UBE2G1: variants seen among roughly 807,000 people sequenced by gnomAD.
UBE2G1 encodes the protein ubiquitin conjugating enzyme E2 G1, also known as ubiquitin-conjugating enzyme E2 G1.
UBE2G1 carries 5 observed loss-of-function variants against 22.7 expected under a neutral mutation model. That is an observed-to-expected ratio of 0.22 (90% confidence interval 0.12 to 0.46). The LOEUF is 0.46. UBE2G1 is among the 20% of genes least tolerant of loss of function. UBE2G1 has a pLI of 0.99. For synonymous variants in UBE2G1, 74 were observed against 67.5 expected (o/e 1.10, Z -0.47); for missense variants, 88 against 203.9 (o/e 0.43, Z 3.46).
intron 1 of UBE2G1, among the ~76,000 whole-genome samples, chr17:4,341,099 C>T (rs1487492801): frequency 6.6e-6 from 1 of 151,034 alleles, no homozygotes; most frequent in Non-Finnish European, 1.5e-5. Flanking sequence ...ACTGACTGAG[C>T]CATCTGGCTC....
chr17:4,314,583 T>C (rs1370545873), intron 1 of UBE2G1, among the ~76,000 whole-genome samples: 1 of 152,238 alleles, frequency 6.6e-6, no homozygotes, highest in African/African-American at 2.4e-5. Context: ...AAAATAGTAA[T>C]TACTATTTGA....
At chr17:4,281,268 A>C (rs888151000) in intron 5 of UBE2G1, among the ~76,000 whole-genome samples, 2 of 152,236 alleles carry the variant, frequency 1.3e-5, no homozygotes, top group Non-Finnish European at 2.9e-5. Context: ...ATTGAGCAAT[A>C]AAAGTAACAG....
intron 1 of UBE2G1, among the ~76,000 whole-genome samples, chr17:4,335,707 A>T (rs1969638287): frequency 6.6e-6 from 1 of 152,224 alleles, no homozygotes; most frequent in Non-Finnish European, 1.5e-5. Flanking sequence ...AGTTTCTTTG[A>T]CAGCATTTAA....
At chr17:4,336,790 A>T (rs1482101262) in intron 1 of UBE2G1, among the ~76,000 whole-genome samples, 1 of 152,182 alleles carries the variant, frequency 6.6e-6, no homozygotes, top group Non-Finnish European at 1.5e-5. Context: ...ATTTCAAAGA[A>T]ATCTAAGAAA....
In UBE2G1 at chr17:4,366,354, C is replaced by T. The variant is rs1052011902; in HGVS notation, c.-38G>A. ...GGGCCCGGGCTGGCGCCGGGGCTTC[C>T]GAAGGGCTGGGGACAGGCTCTGGGG... On this transcript the variant is annotated 5_prime_UTR_variant, in exon 1 of 6. Transcript: ENST00000396981. 17 of 1,517,498 alleles carry T rather than the reference C, an allele frequency of 1.1e-5. No homozygotes were observed. The highest frequency in any genetic ancestry group is 1.5e-5 in the Non-Finnish European group (17 of 1,142,164). 94.0% of individuals were successfully genotyped at this position (1,517,498 alleles called of 1,614,324 possible).
At chr17:4,275,783 C>T (rs1002051743) in intron 5 of UBE2G1, among the ~76,000 whole-genome samples, 1 of 152,104 alleles carries the variant, frequency 6.6e-6, no homozygotes, top group Non-Finnish European at 1.5e-5. Flanking sequence ...TTACCCTTCA[C>T]AAAAAAATGC....
intron 1 of UBE2G1, among the ~76,000 whole-genome samples, chr17:4,316,100 T>G (rs866723014): frequency 6.6e-6 from 1 of 152,158 alleles, no homozygotes; most frequent in East Asian, 1.9e-4. Flanking sequence ...ACCGCCTAAG[T>G]GTACTTTGCC....
At chr17:4,350,032 C>T (rs1040605366) in intron 1 of UBE2G1, among the ~76,000 whole-genome samples, 1 of 152,120 alleles carries the variant, frequency 6.6e-6, no homozygotes, top group Non-Finnish European at 1.5e-5. Context: ...AAGCAATCCT[C>T]CTGCCTCGGC....
chr17:4,315,952 C>A (rs1211498204), intron 1 of UBE2G1, among the ~76,000 whole-genome samples: 1 of 150,008 alleles, frequency 6.7e-6, no homozygotes, highest in Non-Finnish European at 1.5e-5. Context: ...GGACTACAGG[C>A]GCCCACCACC....
intron 1 of UBE2G1, among the ~76,000 whole-genome samples, chr17:4,324,068 G>C (rs1039824439): frequency 1.3e-5 from 2 of 152,118 alleles, no homozygotes; most frequent in Non-Finnish European, 2.9e-5. Flanking sequence ...ATGCATCTTC[G>C]CAACGGAGAA....
intron 1 of UBE2G1, among the ~76,000 whole-genome samples, chr17:4,331,587 T>C (rs945191340): frequency 2.6e-5 from 4 of 152,186 alleles, no homozygotes; most frequent in African/African-American, 7.2e-5. Flanking sequence ...TGCGGGCACA[T>C]GTGCTTATCT....
chr17:4,289,137 A>C, intron 4 of UBE2G1, 93 bp downstream of exon 4: 1 of 1,128,128 alleles, frequency 8.9e-7, no homozygotes, highest in East Asian at 2.8e-5. Flanking sequence ...ACACGCATGC[A>C]TACATTCATG....
chr17:4,353,426 CATAT>C (rs757254438), intron 1 of UBE2G1, among the ~76,000 whole-genome samples: 2 of 149,918 alleles, frequency 1.3e-5, no homozygotes, highest in African/African-American at 5.0e-5. Context: ...AACGAAACCC[CATAT>C]ATATATAGAG....
At chr17:4,356,695 T>C (rs1306747154) in intron 1 of UBE2G1, among the ~76,000 whole-genome samples, 3 of 152,126 alleles carry the variant, frequency 2.0e-5, no homozygotes, top group Non-Finnish European at 4.4e-5. Context: ...CAGCAAGACT[T>C]TGTCTCAAAA....
chr17:4,345,832 A>G (rs898532010), intron 1 of UBE2G1: 3 of 152,230 alleles, frequency 2.0e-5, no homozygotes, highest in Admixed American at 6.5e-5. Context: ...AAGTAAAAAT[A>G]GAACAGATTC....
intron 1 of UBE2G1, among the ~76,000 whole-genome samples, chr17:4,347,857 C>T (rs1342157126): frequency 2.6e-5 from 4 of 152,062 alleles, no homozygotes; most frequent in African/African-American, 9.7e-5. Flanking sequence ...TGTTTTGGGG[C>T]ACCACGAATT....
At chr17:4,283,037 TATAGA>T in intron 4 of UBE2G1, 116 bp from the exon 5 acceptor site, 1 of 861,034 alleles carries the variant, frequency 1.2e-6, no homozygotes, top group Non-Finnish European at 1.8e-6. Context: ...TCAGAAACAT[TATAGA>T]GTTGAAAAGG....
chr17:4,338,153 G>A (rs1033411284), intron 1 of UBE2G1, among the ~76,000 whole-genome samples: 1 of 148,968 alleles, frequency 6.7e-6, no homozygotes. Context: ...CTAGGCGACA[G>A]AGCGAGACTC....
chr17:4,328,345 A>G (rs541225918), intron 1 of UBE2G1, among the ~76,000 whole-genome samples: 1 of 152,354 alleles, frequency 6.6e-6, no homozygotes, highest in South Asian at 2.1e-4. Flanking sequence ...GTTGTCCAAA[A>G]TATCAACATA....
Sources: gnomAD v4.1 joint callset for allele counts (sites outside exome capture counted in the v4.1 genomes callset) on GRCh38, gnomAD v4.1.1 for gene constraint, MANE v1.5 for transcripts, NCBI Gene and HGNC (gene_info 2026-07-23, HGNC 2026-07-21) for gene names.